SASH1: variants seen among roughly 807,000 people sequenced by gnomAD.
SASH1 encodes the protein SAM and SH3 domain-containing protein 1.
SASH1 carries 44 observed loss-of-function variants against 125.2 expected under a neutral mutation model. That is an observed-to-expected ratio of 0.35 (90% CI 0.28 to 0.45). The LOEUF is 0.45. SASH1 is among the 20% of genes least tolerant of loss of function. SASH1 has a pLI of 1.00. For synonymous variants in SASH1, 639 were observed against 649.1 expected (o/e 0.98, Z 0.24); for missense variants, 1,426 against 1,614.5 (o/e 0.88, Z 2.00).
At chr6:148,356,584 C>T (rs1781953526) in intron 1 of SASH1, among the ~76,000 whole-genome samples, 1 of 143,600 alleles carries the variant, frequency 7.0e-6, no homozygotes, top group Non-Finnish European at 1.5e-5. Flanking sequence ...ATTCTCCTGC[C>T]TCAACCTCCC....
Position 148,343,016 on chromosome 6 carries a change from G to A in SASH1, c.-52G>A, listed in dbSNP as rs1387280110. 12 of 1,142,836 alleles carry A rather than the reference G, an allele frequency of 1.1e-5. No homozygotes were observed. Among genetic ancestry groups the A allele is most frequent in the Middle Eastern group, 3.7e-4 (1 of 2,732 alleles). The allele number at this position is 1,142,836 out of a possible 1,614,324, so 70.8% of individuals were successfully genotyped here. On this transcript the variant is annotated 5_prime_UTR_variant, in exon 1 of 20. Coordinates refer to ENST00000367467, the MANE Select transcript of SASH1 (RefSeq NM_015278.5). ...CCGGGCAGGCTGCGCGCGGGTGCGG[G>A]GCGAGGGCGCCGCGGGGACTGGGAC...
At chr6:148,253,541 G>A in the SASH1 span, among the ~76,000 whole-genome samples, 4 of 152,316 alleles carry the variant, frequency 2.6e-5, no homozygotes, top group Non-Finnish European at 5.9e-5. Flanking sequence ...ATGAAAGAAT[G>A]TGATTTCACT....
At chr6:148,432,266 C>T (rs992321626) in intron 2 of SASH1, among the ~76,000 whole-genome samples, 8 of 152,312 alleles carry the variant, frequency 5.3e-5, no homozygotes, top group South Asian at 2.1e-4. Context: ...TGAGCCCCCA[C>T]GCCTGAGCAA....
At chr6:148,445,427 T>C (rs551366167) in intron 4 of SASH1, among the ~76,000 whole-genome samples, 1 of 152,206 alleles carries the variant, frequency 6.6e-6, no homozygotes, top group East Asian at 1.9e-4. Context: ...CCAGACACTT[T>C]TAAGAATATT....
intron 2 of SASH1, among the ~76,000 whole-genome samples, chr6:148,417,610 A>AAATAAATAAATAAAT (rs1554254518): frequency 4.6e-5 from 4 of 86,380 alleles, no homozygotes; most frequent in Admixed American, 1.2e-4. Flanking sequence ...AATAAATAAA[A>AAATAAATAAATAAAT]GAGCATGTAT....
the SASH1 span, among the ~76,000 whole-genome samples, chr6:148,197,344 C>T: frequency 3.3e-5 from 5 of 152,174 alleles, no homozygotes; most frequent in African/African-American, 9.7e-5. Context: ...AAGTCAGCAC[C>T]TAATGGATAT....
intron 1 of SASH1, among the ~76,000 whole-genome samples, chr6:148,281,921 CAA>C (rs59183034): frequency 7.3e-4 from 100 of 136,892 alleles, no homozygotes; most frequent in African/African-American, 5.7e-4. Flanking sequence ...GACTCCGTCT[CAA>C]AAAAAAAAAA....
intron 1 of SASH1, among the ~76,000 whole-genome samples, chr6:148,311,168 A>G (rs533571215): frequency 3.3e-4 from 50 of 149,886 alleles, no homozygotes; most frequent in African/African-American, 1.1e-3. Context: ...GAGCAGTGGC[A>G]TGGTCTCGGC....
rs1384961872 is a variant in SASH1 at position 148,495,898 on chromosome 6, C to T, written c.729+8183C>T. Among the ~76,000 whole-genome samples the T allele has an allele frequency of 6.6e-6, 1 of 152,262 alleles. No homozygotes were observed. The highest frequency in any genetic ancestry group is 1.5e-5 in the Non-Finnish European group (1 of 68,030). On this transcript the variant is annotated intron_variant, in intron 8 of 19. Coordinates refer to ENST00000367467, the MANE Select transcript of SASH1 (RefSeq NM_015278.5). The surrounding 1 kb of genome is among the most constrained non-coding windows in gnomAD (Gnocchi z 4.0). ...TCACCCAGGCTGGAGTGCAGTGGCA[C>T]GATCTCGGCCCTCTGCAACCTCCAC...
chr6:148,448,144 G>A (rs1044544084), intron 4 of SASH1, among the ~76,000 whole-genome samples: 5 of 151,056 alleles, frequency 3.3e-5, no homozygotes, highest in East Asian at 2.0e-4. Flanking sequence ...GTGTGTATGT[G>A]TGTGTGTGCG....
chr6:148,352,596 TATAAATAAATAAATAAATAA>T (rs144016974), intron 1 of SASH1, among the ~76,000 whole-genome samples: 37 of 141,278 alleles, frequency 2.6e-4, no homozygotes, highest in Admixed American at 5.8e-4. Context: ...GACTCCTTCT[TATAAATAAATAAATAAATAA>T]ATAAATAAAT....
intron 1 of SASH1, among the ~76,000 whole-genome samples, chr6:148,296,280 C>A (rs2128510751): frequency 6.6e-6 from 1 of 152,168 alleles, no homozygotes; most frequent in Non-Finnish European, 1.5e-5. Flanking sequence ...AGCATGCCAC[C>A]ATGCCCAGCT....
chr6:148,397,361 C>A (rs1430023336), intron 2 of SASH1, among the ~76,000 whole-genome samples: 1 of 152,058 alleles, frequency 6.6e-6, no homozygotes, highest in Non-Finnish European at 1.5e-5. Flanking sequence ...TGGCTGGCAC[C>A]TGTAGTCCCA....
chr6:148,206,036 A>AAT, the SASH1 span, among the ~76,000 whole-genome samples: 17 of 152,252 alleles, frequency 1.1e-4, no homozygotes, highest in South Asian at 6.2e-4. Context: ...CCTCTGTAAA[A>AAT]ATATATATAT....
At chr6:148,516,189 A>G (rs1450706785) in intron 9 of SASH1, among the ~76,000 whole-genome samples, 1 of 152,270 alleles carries the variant, frequency 6.6e-6, no homozygotes, top group Non-Finnish European at 1.5e-5. Flanking sequence ...CAGGCTTCAC[A>G]GATGGAAGAT....
chr6:148,343,326 C>T, intron 1 of SASH1, 103 bp downstream of exon 1: 1 of 1,060,112 alleles, frequency 9.4e-7, no homozygotes, highest in Non-Finnish European at 1.4e-6. Flanking sequence ...ACCCACTCCG[C>T]AGAGGCGTCC....
At position 148,495,819 on chromosome 6, in the gene SASH1, G is replaced by C. The variant is rs1449343504; in HGVS notation, c.729+8104G>C. Among the ~76,000 whole-genome samples the C allele has an allele frequency of 1.3e-5, 2 of 152,128 alleles. No individual in the cohort carries two copies. The highest frequency in any genetic ancestry group is 4.8e-5 in the African/African-American group (2 of 41,426). On this transcript the variant is annotated intron_variant, in intron 8 of 19. Transcript: ENST00000367467. The surrounding 1 kb of genome is among the most constrained non-coding windows in gnomAD (Gnocchi z 4.0). ...GAAAATGATGGATTTTATTTCTACT[G>C]TCTTTGTCTTCTTGTAATTATTCAT...
chr6:148,407,575 C>G (rs911918095), intron 2 of SASH1, among the ~76,000 whole-genome samples: 7 of 152,134 alleles, frequency 4.6e-5, no homozygotes, highest in Non-Finnish European at 8.8e-5. Context: ...GCTTTCATTT[C>G]TTTTGGGAAT....
chr6:148,549,792 A>G lies in SASH1; in HGVS notation c.*1234A>G, dbSNP rs1583349016. On this transcript the variant is annotated 3_prime_UTR_variant, in exon 20 of 20. Transcript: ENST00000367467. ...ATTTGCTACTTTAAATTGTTTTACA[A>G]CTGATTTCAGCACATTCTATCCTTT... 7.8e-6 allele frequency: 3 copies of G among 384,382 alleles called. No homozygotes were observed. Among genetic ancestry groups the G allele is most frequent in the Admixed American group, 4.5e-5 (1 of 22,162 alleles). The allele number at this position is 384,382 out of a possible 1,614,324, so 23.8% of individuals were successfully genotyped here.
Sources: gnomAD v4.1 joint callset for allele counts (sites outside exome capture counted in the v4.1 genomes callset) on GRCh38, gnomAD v4.1.1 for gene constraint, Gnocchi (gnomAD v3.1) non-coding constraint, MANE v1.5 for transcripts, NCBI Gene and HGNC (gene_info 2026-07-23, HGNC 2026-07-21) for gene names.